The following PCTP variants were observed in gnomAD, a reference collection of about 807,000 sequenced individuals.
The protein encoded by PCTP is phosphatidylcholine transfer protein.
Under a neutral mutation model 31.0 loss-of-function variants are expected in PCTP, and 27 were observed. The observed-to-expected ratio is 0.87, with a 90% confidence interval of 0.64 to 1.20. The LOEUF is 1.20. Among genes scored for constraint, PCTP ranks in the 50% most tolerant of loss-of-function variants. The probability of loss-of-function intolerance (pLI) is 0.00; values close to 1 mark genes in which losing one functional copy is unlikely to be tolerated. For synonymous variants in PCTP, 108 were observed against 101.2 expected (o/e 1.07, Z -0.40); for missense variants, 287 against 268.2 (o/e 1.07, Z -0.49).
downstream of PCTP, among the ~76,000 whole-genome samples, chr17:55,778,919 C>T (rs1001651386): frequency 6.6e-6 from 1 of 152,154 alleles, no homozygotes; most frequent in Non-Finnish European, 1.5e-5. Flanking sequence ...GGTCACTTCC[C>T]TTGAAAATGT....
chr17:55,790,169 T>A (rs1450587945), intron 3 of PCTP, among the ~76,000 whole-genome samples: 1 of 152,168 alleles, frequency 6.6e-6, no homozygotes, highest in Non-Finnish European at 1.5e-5. Flanking sequence ...TAATAAGAGC[T>A]ATCTGTGACA....
chr17:55,789,458 G>C (rs544068469), intron 3 of PCTP, among the ~76,000 whole-genome samples: 1 of 152,078 alleles, frequency 6.6e-6, no homozygotes, highest in Non-Finnish European at 1.5e-5. Context: ...AGTTGTAAAC[G>C]CTTTATTGCC....
chr17:55,832,441 T>C (rs1224870407), intron 5 of PCTP, among the ~76,000 whole-genome samples: 3 of 152,224 alleles, frequency 2.0e-5, no homozygotes, highest in Non-Finnish European at 4.4e-5. Flanking sequence ...AGAACACAGA[T>C]AGCAAATTGT....
downstream of PCTP, among the ~76,000 whole-genome samples, chr17:55,827,510 TG>T (rs1393777681): frequency 2.0e-5 from 3 of 152,246 alleles, no homozygotes; most frequent in Non-Finnish European, 4.4e-5. Context: ...TACTGGATTT[TG>T]GGGAAGCTTG....
Position 55,776,504 on chromosome 17 carries a change from A to T in PCTP, c.*404A>T. On this transcript the variant is annotated 3_prime_UTR_variant, in exon 6 of 6. Transcript: ENST00000268896. The stretch of plus-strand genomic sequence containing the variant: ...AGGGACACAACAAAATTTAAGAATG[A>T]CTATTTGGGCGGGCTGGCTCTTTTG... 5 of 1,232,158 alleles carry T rather than the reference A, an allele frequency of 4.1e-6. No individual in the cohort carries two copies. Among genetic ancestry groups the T allele is most frequent in the Non-Finnish European group, 5.1e-6 (5 of 988,320 alleles). 76.3% of individuals were successfully genotyped at this position (1,232,158 alleles called of 1,614,324 possible).
chr17:55,812,726 C>T (rs1196725447), intron 3 of PCTP, among the ~76,000 whole-genome samples: 1 of 152,224 alleles, frequency 6.6e-6, no homozygotes, highest in Admixed American at 6.5e-5. Flanking sequence ...CCTCACCTGG[C>T]TTGGAGCCAG....
chr17:55,823,793 G>A (rs1905308391), downstream of PCTP, among the ~76,000 whole-genome samples: 1 of 152,200 alleles, frequency 6.6e-6, no homozygotes, highest in South Asian at 2.1e-4. Context: ...ATCAGCCCCA[G>A]CCTGGCTTTC....
intron 4 of PCTP, 53 bp downstream of exon 4, chr17:55,773,948 G>A: frequency 1.3e-6 from 2 of 1,518,986 alleles, no homozygotes; most frequent in Non-Finnish European, 1.8e-6. Context: ...CCCACGGGAG[G>A]GCCAGGCTGA....
chr17:55,774,034 TCAGCACCTAGAGAG>T, intron 4 of PCTP, 139 bp downstream of exon 4: 4 of 1,017,934 alleles, frequency 3.9e-6, no homozygotes, highest in Middle Eastern at 3.1e-4. Context: ...CAAACCAGGA[TCAGCACCTAGAGAG>T]AGCCTCATTC....
intron 3 of PCTP, among the ~76,000 whole-genome samples, chr17:55,810,651 G>A (rs1315587862): frequency 6.6e-6 from 1 of 152,188 alleles, no homozygotes; most frequent in Non-Finnish European, 1.5e-5. Flanking sequence ...CATGAGACTT[G>A]TAGGAGCTCC....
At chr17:55,751,495 A>C in intron 1 of PCTP, 2 of 1,502,478 alleles carry the variant, frequency 1.3e-6, no homozygotes, top group Non-Finnish European at 8.9e-7. Context: ...CCGACGGGGC[A>C]TGTAGTTAGA....
At chr17:55,808,372 A>G (rs557798075) in intron 3 of PCTP, among the ~76,000 whole-genome samples, 1 of 152,324 alleles carries the variant, frequency 6.6e-6, no homozygotes, top group African/African-American at 2.4e-5. Context: ...ATTTTAAGCA[A>G]ATTATTTGAC....
intron 1 of PCTP, among the ~76,000 whole-genome samples, chr17:55,762,856 A>G (rs1910413348): frequency 6.6e-6 from 1 of 152,226 alleles, no homozygotes. Context: ...GGTTCTCTTA[A>G]TAAGGAGAAG....
In PCTP at chr17:55,772,533, G is replaced by A. The variant is rs1597986547; in HGVS notation, c.340-1191G>A. Among the ~76,000 whole-genome samples, 3 of 148,660 alleles carry A rather than the reference G, an allele frequency of 2.0e-5. 1 individual carries two copies. The East Asian group carries it at 5.9e-4, about 29-fold the overall frequency. On this transcript the variant is annotated intron_variant, in intron 3 of 5. Coordinates refer to ENST00000268896, the MANE Select transcript of PCTP (RefSeq NM_021213.4). ...ACCCAGGAGGTGGAGGTTGCAGTGAGCCGAGATCGTGACACTCTACTCCAG... is the reference window on the plus strand; with the variant it reads ...ACCCAGGAGGTGGAGGTTGCAGTGAACCGAGATCGTGACACTCTACTCCAG...
downstream of PCTP, among the ~76,000 whole-genome samples, chr17:55,779,576 G>A (rs1021039045): frequency 1.3e-5 from 2 of 152,330 alleles, no homozygotes; most frequent in East Asian, 3.9e-4. Context: ...GGTCCTGAGA[G>A]CAATGGCAAG....
chr17:55,757,033 G>A (rs1910064474), intron 1 of PCTP, among the ~76,000 whole-genome samples: 1 of 151,982 alleles, frequency 6.6e-6, no homozygotes, highest in African/African-American at 2.4e-5. Context: ...TTTCAGGGTT[G>A]TTGAGAGGAT....
chr17:55,778,906 G>A (rs1384340324), downstream of PCTP, among the ~76,000 whole-genome samples: 1 of 152,162 alleles, frequency 6.6e-6, no homozygotes, highest in Non-Finnish European at 1.5e-5. Flanking sequence ...AGTTCCAGCA[G>A]AGGGTCACTT....
At chr17:55,789,015 C>T (rs1227543632) in intron 3 of PCTP, among the ~76,000 whole-genome samples, 1 of 152,154 alleles carries the variant, frequency 6.6e-6, no homozygotes, top group Non-Finnish European at 1.5e-5. Flanking sequence ...TGGCTTCCTG[C>T]CTCTGGATAA....
chr17:55,761,064 G>T (rs1289504283), intron 1 of PCTP, among the ~76,000 whole-genome samples: 1 of 152,156 alleles, frequency 6.6e-6, no homozygotes, highest in Non-Finnish European at 1.5e-5. Flanking sequence ...AATAGAAGGG[G>T]CCAGTGTGCA....
Sources: allele counts gnomAD v4.1 joint callset (sites outside exome capture counted in the v4.1 genomes callset), GRCh38; gene constraint gnomAD v4.1.1; transcripts MANE v1.5; gene names NCBI Gene and HGNC (gene_info 2026-07-23, HGNC 2026-07-21).